Variants in ARHGAP42 observed in about 807,000 individuals in gnomAD.
ARHGAP42 encodes Rho GTPase activating protein 42.
In ARHGAP42, 63 loss-of-function variants were observed where a neutral mutation model predicts 125.0. That is an observed-to-expected ratio of 0.50 (90% CI 0.41 to 0.62). ARHGAP42 has a LOEUF of 0.62. Among genes scored for constraint, ARHGAP42 ranks in the 20% least tolerant of loss-of-function variants. ARHGAP42 has a pLI of 0.00. For synonymous variants in ARHGAP42, 339 were observed against 351.0 expected, an observed-to-expected ratio of 0.97 and a Z score of 0.38; for missense variants, 766 against 1,024.2, an observed-to-expected ratio of 0.75 and a Z score of 3.44.
At chr11:100,866,846 C>CT (rs1192376431) in intron 4 of ARHGAP42, among the ~76,000 whole-genome samples, 2 of 152,052 alleles carry the variant, frequency 1.3e-5, no homozygotes, top group Non-Finnish European at 2.9e-5. Flanking sequence ...TATGAAATGC[C>CT]TTTTTTTAAT....
At chr11:100,986,043 CA>C (rs1858670335) in intron 22 of ARHGAP42, 1 of 456,536 alleles carries the variant, frequency 2.2e-6, no homozygotes, top group South Asian at 1.5e-5. Context: ...GAACCCAGAA[CA>C]TCTTTCCTTT....
chr11:100,980,254 T>C (rs1032724595), intron 22 of ARHGAP42, among the ~76,000 whole-genome samples: 9 of 152,264 alleles, frequency 5.9e-5, no homozygotes, highest in East Asian at 5.8e-4. Flanking sequence ...CTAAGCCCCA[T>C]GCATGTCACA....
chr11:100,705,357 A>G (rs1230220336), intron 1 of ARHGAP42, among the ~76,000 whole-genome samples: 1 of 152,206 alleles, frequency 6.6e-6, no homozygotes, highest in East Asian at 1.9e-4. Context: ...GTAGAAAGAG[A>G]GTGAGCTTTG....
intron 12 of ARHGAP42, among the ~76,000 whole-genome samples, chr11:100,957,103 G>A (rs533928661): frequency 2.6e-4 from 39 of 152,116 alleles, no homozygotes; most frequent in African/African-American, 9.2e-4. Context: ...TCTTTAAACA[G>A]TGCTATGAAG....
At chr11:100,770,614 G>C (rs1165375201) in intron 2 of ARHGAP42, among the ~76,000 whole-genome samples, 176 bp downstream of exon 2, 1 of 152,186 alleles carries the variant, frequency 6.6e-6, no homozygotes, top group African/African-American at 2.4e-5. Flanking sequence ...GTCTCTCTCT[G>C]TCACCCAGGC....
intron 1 of ARHGAP42, among the ~76,000 whole-genome samples, chr11:100,748,548 G>A (rs913123561): frequency 2.0e-5 from 3 of 152,214 alleles, no homozygotes; most frequent in Admixed American, 6.5e-5. Context: ...GAGTCAGTAA[G>A]CTATCTTTTT....
chr11:100,789,404 G>A (rs1334945492), intron 2 of ARHGAP42, among the ~76,000 whole-genome samples: 2 of 152,350 alleles, frequency 1.3e-5, no homozygotes, highest in East Asian at 3.9e-4. Context: ...AGGGGAGTGG[G>A]TGGATGAGTG....
chr11:100,788,131 G>A (rs1247749080), intron 2 of ARHGAP42, among the ~76,000 whole-genome samples: 2 of 152,090 alleles, frequency 1.3e-5, no homozygotes, highest in African/African-American at 4.8e-5. Flanking sequence ...ATAATGTCTA[G>A]TAAGCTCCTC....
At chr11:100,761,545 A>G (rs1390385751) in intron 1 of ARHGAP42, among the ~76,000 whole-genome samples, 2 of 152,154 alleles carry the variant, frequency 1.3e-5, no homozygotes, top group Non-Finnish European at 2.9e-5. Context: ...TTGTAGGTTT[A>G]TAGAATCCGG....
intron 6 of ARHGAP42, among the ~76,000 whole-genome samples, chr11:100,929,546 A>G (rs1565280750): frequency 6.6e-6 from 1 of 152,216 alleles, no homozygotes; most frequent in Non-Finnish European, 1.5e-5. Context: ...TGAGGGATAC[A>G]GTTTCTCCAT....
chr11:100,726,783 T>G (rs1861869712), intron 1 of ARHGAP42, among the ~76,000 whole-genome samples: 1 of 152,188 alleles, frequency 6.6e-6, no homozygotes, highest in Non-Finnish European at 1.5e-5. Context: ...TGGAGGTGAT[T>G]GGAATTACTT....
intron 1 of ARHGAP42, among the ~76,000 whole-genome samples, chr11:100,736,530 A>G (rs1286767810): frequency 1.3e-5 from 2 of 152,172 alleles, no homozygotes; most frequent in African/African-American, 4.8e-5. Context: ...TAATGGAGAG[A>G]CAGTGTCACA....
intron 1 of ARHGAP42, among the ~76,000 whole-genome samples, chr11:100,688,529 G>C (rs990322408): frequency 1.3e-5 from 2 of 152,010 alleles, no homozygotes; most frequent in Non-Finnish European, 2.9e-5. Context: ...ATAATATAGG[G>C]CTTCTTCCAC....
At chr11:100,976,749 T>A in intron 20 of ARHGAP42, 66 bp from the exon 21 acceptor site, 1 of 1,523,940 alleles carries the variant, frequency 6.6e-7, no homozygotes, top group Non-Finnish European at 8.9e-7. Flanking sequence ...GTTATGCACA[T>A]GTACGTGTTA....
At chr11:100,821,101 A>T (rs1864395936) in intron 3 of ARHGAP42, among the ~76,000 whole-genome samples, 1 of 152,094 alleles carries the variant, frequency 6.6e-6, no homozygotes, top group Non-Finnish European at 1.5e-5. Context: ...TATAAACCTG[A>T]AGCATTTCAA....
chr11:100,735,923 A>G (rs749915216), intron 1 of ARHGAP42, among the ~76,000 whole-genome samples: 69 of 152,088 alleles, frequency 4.5e-4, no homozygotes, highest in Non-Finnish European at 8.7e-4. Flanking sequence ...GCAGACTTGT[A>G]CTTTTTAAGT....
intron 4 of ARHGAP42, among the ~76,000 whole-genome samples, chr11:100,888,983 G>T (rs1866158144): frequency 6.6e-6 from 1 of 152,174 alleles, no homozygotes; most frequent in Non-Finnish European, 1.5e-5. Flanking sequence ...TGAAATTCTT[G>T]TGGCATTAAC....
chr11:100,948,648 A>T (rs1310149595), intron 11 of ARHGAP42, 113 bp downstream of exon 11: 1 of 819,820 alleles, frequency 1.2e-6, no homozygotes, highest in Non-Finnish European at 1.8e-6. Context: ...TGAAAATATT[A>T]AAAAAGGAAA....
At chr11:100,753,757 A>G (rs918973655) in intron 1 of ARHGAP42, among the ~76,000 whole-genome samples, 1 of 152,066 alleles carries the variant, frequency 6.6e-6, no homozygotes, top group African/African-American at 2.4e-5. Context: ...CCCACACTGG[A>G]TAGGATTAAG....
Sources: allele counts gnomAD v4.1 joint callset (sites outside exome capture counted in the v4.1 genomes callset), GRCh38; gene constraint gnomAD v4.1.1; transcripts MANE v1.5; gene names NCBI Gene and HGNC (gene_info 2026-07-23, HGNC 2026-07-21).